The following NLK variants were observed in gnomAD, a reference collection of about 807,000 sequenced individuals.
NLK encodes the protein serine/threonine-protein kinase NLK.
A neutral mutation model predicts 59.0 loss-of-function variants in NLK; 11 were observed. That is an observed-to-expected ratio of 0.19 (90% confidence interval 0.12 to 0.31). The LOEUF (loss-of-function observed/expected upper bound fraction) is 0.31, where lower values mean the gene tolerates loss of function less well. NLK is among the 10% of genes least tolerant of loss of function. The probability of loss-of-function intolerance (pLI) is 1.00; values close to 1 mark genes in which losing one functional copy is unlikely to be tolerated. For missense variants in NLK, 410 were observed against 661.1 expected (o/e 0.62, Z 4.16); for synonymous variants, 235 against 235.9 (o/e 1.00, Z 0.03).
chr17:28,163,855 G>A (rs567948947), intron 5 of NLK, among the ~76,000 whole-genome samples: 104 of 152,292 alleles, frequency 6.8e-4, no homozygotes, highest in African/African-American at 2.4e-3. Flanking sequence ...AATTGGAATT[G>A]TAGTGTAACT....
In NLK at chr17:28,083,890, T is replaced by C. The variant is rs548468661; in HGVS notation, c.459-38713T>C. Among the ~76,000 whole-genome samples the C allele has an allele frequency of 3.3e-5, 5 of 151,928 alleles. No individual in the cohort carries two copies. The South Asian group carries it at 1.0e-3, about 32-fold the overall frequency. On this transcript the variant is annotated intron_variant, in intron 1 of 10. Coordinates refer to ENST00000407008, the MANE Select transcript of NLK (RefSeq NM_016231.5). ...CTATACAGAAGTAGCCACAGAGGAG[T>C]GGTTTAAGTTATGTTGAGTAGTCCT...
At chr17:28,201,401 TA>T in the NLK span, among the ~76,000 whole-genome samples, 1 of 147,930 alleles carries the variant, frequency 6.8e-6, no homozygotes, top group African/African-American at 2.5e-5. Context: ...TTTTTTTTTT[TA>T]AAGAGACAGG....
At chr17:28,173,423 T>C (rs1908551541) in intron 7 of NLK, among the ~76,000 whole-genome samples, 1 of 152,138 alleles carries the variant, frequency 6.6e-6, no homozygotes, top group South Asian at 2.1e-4. Context: ...TCTCAAACTG[T>C]CAGCCAGACA....
chr17:28,086,123 T>C (rs1910508943), intron 1 of NLK, among the ~76,000 whole-genome samples: 1 of 152,226 alleles, frequency 6.6e-6, no homozygotes, highest in South Asian at 2.1e-4. Context: ...TTTTAAATCA[T>C]GTATGTGTGT....
At chr17:28,134,247 A>G (rs1906642312) in intron 3 of NLK, among the ~76,000 whole-genome samples, 1 of 152,074 alleles carries the variant, frequency 6.6e-6, no homozygotes, top group Non-Finnish European at 1.5e-5. Context: ...AAAATACAAA[A>G]AAAATTAGCT....
chr17:28,099,177 AAAT>A (rs1467656599), intron 1 of NLK, among the ~76,000 whole-genome samples: 4 of 152,178 alleles, frequency 2.6e-5, no homozygotes, highest in African/African-American at 7.2e-5. Context: ...TATGAGAAAA[AAAT>A]AATATCTCAG....
chr17:28,202,520 T>G, the NLK span, among the ~76,000 whole-genome samples: 3 of 151,648 alleles, frequency 2.0e-5, no homozygotes, highest in African/African-American at 7.3e-5. Flanking sequence ...TTTACATCTG[T>G]GTTCATGAGA....
chr17:28,178,266 A>G (rs963467512), intron 7 of NLK, among the ~76,000 whole-genome samples: 3 of 152,158 alleles, frequency 2.0e-5, no homozygotes, highest in African/African-American at 7.2e-5. Flanking sequence ...CAGGAAGGGT[A>G]TCATTTGATT....
intron 3 of NLK, among the ~76,000 whole-genome samples, chr17:28,134,835 T>TA (rs149729320): frequency 0.11 from 16,459 of 152,238 alleles, 1,167 homozygotes; most frequent in Non-Finnish European, 0.16. Context: ...AACTCTTATT[T>TA]TAAAAGTACA....
intron 3 of NLK, among the ~76,000 whole-genome samples, chr17:28,157,872 A>G (rs1285343680): frequency 6.6e-6 from 1 of 151,098 alleles, no homozygotes; most frequent in African/African-American, 2.5e-5. Context: ...TTAGTAGAGT[A>G]CCTATACCTA....
intron 1 of NLK, among the ~76,000 whole-genome samples, chr17:28,066,311 C>T (rs2142752109): frequency 6.6e-6 from 1 of 152,304 alleles, no homozygotes; most frequent in Non-Finnish European, 1.5e-5. Flanking sequence ...TTCATTTATT[C>T]ACAGTCCACT....
In NLK at chr17:28,104,633, C is replaced by T. The variant is rs75870008; in HGVS notation, c.459-17970C>T. Among the ~76,000 whole-genome samples, 956 of 151,970 alleles carry T rather than the reference C, an allele frequency of 6.3e-3. 7 individuals carry two copies. The highest frequency in any genetic ancestry group is 0.023 in the African/African-American group (933 of 41,434). ...TTGGCAAGCACACAACGTTTTTTGC[C>T]CATATCACTTTGATGGTTAGTTTCA... On this transcript the variant is annotated intron_variant, in intron 1 of 10. Transcript: ENST00000407008.
intron 1 of NLK, among the ~76,000 whole-genome samples, chr17:28,100,229 A>G (rs1904859208): frequency 6.6e-6 from 1 of 152,212 alleles, no homozygotes; most frequent in African/African-American, 2.4e-5. Context: ...TGGTAAGTAT[A>G]TATTTAACTT....
chr17:28,145,724 T>TA (rs1907216579), intron 3 of NLK, among the ~76,000 whole-genome samples: 1 of 151,762 alleles, frequency 6.6e-6, no homozygotes, highest in Non-Finnish European at 1.5e-5. Flanking sequence ...TTTTTTTTTT[T>TA]AAAGACAGTC....
In NLK at chr17:28,191,291, C is replaced by A. The variant is rs1909297659; in HGVS notation, c.1435+72C>A. ...TTTTCCATTAGGTGGCCATGAAGAG[C>A]TGAGATCTGGATGGTAACCAAAGCT... is the stretch of plus-strand genomic sequence containing the variant. On this transcript the variant is annotated intron_variant, in intron 9 of 10. Transcript: ENST00000407008. 15 of 1,208,136 alleles carry A rather than the reference C, an allele frequency of 1.2e-5. 1 individual carries two copies. The South Asian group carries it at 2.0e-4, about 16-fold the overall frequency. The allele number at this position is 1,208,136 out of a possible 1,614,324, so 74.8% of individuals were successfully genotyped here.
intron 2 of NLK, among the ~76,000 whole-genome samples, chr17:28,129,124 G>A (rs1228252001): frequency 6.6e-6 from 1 of 152,176 alleles, no homozygotes; most frequent in Non-Finnish European, 1.5e-5. Flanking sequence ...TTTGGTGACA[G>A]AAGTAAAAAC....
At chr17:28,119,871 G>T (rs1465224661) in intron 1 of NLK, among the ~76,000 whole-genome samples, 1 of 152,136 alleles carries the variant, frequency 6.6e-6, no homozygotes, top group Non-Finnish European at 1.5e-5. Flanking sequence ...TGTTGTTTCT[G>T]TCAAAAATGA....
intron 1 of NLK, among the ~76,000 whole-genome samples, chr17:28,090,122 ATAT>A (rs1321315714): frequency 6.6e-6 from 1 of 152,162 alleles, no homozygotes; most frequent in Non-Finnish European, 1.5e-5. Flanking sequence ...ACTGTTTGCT[ATAT>A]TATTTTAATG....
intron 3 of NLK, among the ~76,000 whole-genome samples, chr17:28,139,555 A>G (rs1906898812): frequency 1.3e-5 from 2 of 152,216 alleles, no homozygotes; most frequent in South Asian, 2.1e-4. Flanking sequence ...CATTCAGCCA[A>G]ACCTTTAGCA....
Sources: allele counts gnomAD v4.1 joint callset (sites outside exome capture counted in the v4.1 genomes callset), GRCh38; gene constraint gnomAD v4.1.1; transcripts MANE v1.5; gene names NCBI Gene and HGNC (gene_info 2026-07-23, HGNC 2026-07-21).